The following RBM47 variants were observed in gnomAD, a reference collection of about 807,000 sequenced individuals.
RBM47 encodes the protein RNA binding motif protein 47.
RBM47 carries 21 observed loss-of-function variants against 47.1 expected under a neutral mutation model. That is an observed-to-expected ratio of 0.45 (90% CI 0.32 to 0.64). The LOEUF is 0.64. Among genes scored for constraint, RBM47 ranks in the 30% least tolerant of loss-of-function variants. The pLI is 0.05. For missense variants in RBM47, 708 were observed against 870.9 expected (o/e 0.81, Z 2.35); for synonymous variants, 375 against 361.7 (o/e 1.04, Z -0.42).
chr4:40,555,177 TCCA>T (rs1284807573), intron 1 of RBM47, among the ~76,000 whole-genome samples: 1 of 152,192 alleles, frequency 6.6e-6, no homozygotes, highest in East Asian at 1.9e-4. Flanking sequence ...CCTCAGGCAA[TCCA>T]CCCGCCTCAG....
chr4:40,470,199 C>T (rs1051566311), intron 2 of RBM47, among the ~76,000 whole-genome samples: 4 of 152,020 alleles, frequency 2.6e-5, no homozygotes, highest in East Asian at 1.9e-4. Context: ...ACATTAATGG[C>T]GTTAATTCAT....
chr4:40,456,571 CTTTTTTTTTTT>C (rs34320480), intron 3 of RBM47, among the ~76,000 whole-genome samples: 1 of 112,578 alleles, frequency 8.9e-6, no homozygotes, highest in African/African-American at 3.5e-5. Flanking sequence ...TTTCTTTTTT[CTTTTTTTTTTT>C]TTTTTGAGAC....
chr4:40,445,115 A>C (rs1714318604), intron 3 of RBM47, among the ~76,000 whole-genome samples: 1 of 151,876 alleles, frequency 6.6e-6, no homozygotes, highest in Admixed American at 6.6e-5. Context: ...TCTACTAAAA[A>C]TAGAAAAAAT....
At chr4:40,533,262 C>G (rs1727586601) in intron 2 of RBM47, among the ~76,000 whole-genome samples, 1 of 151,878 alleles carries the variant, frequency 6.6e-6, no homozygotes, top group South Asian at 2.1e-4. Context: ...GGTGAAACCC[C>G]ATCTCTACTA....
intron 1 of RBM47, among the ~76,000 whole-genome samples, chr4:40,611,190 T>C (rs1231290243): frequency 6.6e-6 from 1 of 152,184 alleles, no homozygotes; most frequent in Middle Eastern, 3.2e-3. Flanking sequence ...TCTAGGTAAA[T>C]GTAGGCACAA....
chr4:40,454,142 G>A (rs1006466900), intron 3 of RBM47, among the ~76,000 whole-genome samples: 2 of 152,166 alleles, frequency 1.3e-5, no homozygotes, highest in African/African-American at 2.4e-5. Flanking sequence ...TGGCAGAGTT[G>A]AGTTAAGTAG....
At chr4:40,528,405 T>TAAA (rs769489642) in intron 2 of RBM47, among the ~76,000 whole-genome samples, 1,482 of 147,788 alleles carry the variant, frequency 0.01, 25 homozygotes, top group African/African-American at 0.034. Flanking sequence ...GAGGCTTTTT[T>TAAA]AAAAAAAAAA....
chr4:40,577,059 G>T (rs1256653891), intron 1 of RBM47, among the ~76,000 whole-genome samples: 2 of 152,264 alleles, frequency 1.3e-5, no homozygotes, highest in Admixed American at 6.5e-5. Context: ...TGGCAGTAAC[G>T]AATCATTAAC....
chr4:40,478,815 A>T (rs954312970), intron 2 of RBM47, among the ~76,000 whole-genome samples: 4 of 152,242 alleles, frequency 2.6e-5, no homozygotes, highest in Admixed American at 1.3e-4. Context: ...CTAAAAGCTA[A>T]GATATAGCCA....
chr4:40,521,215 T>C (rs1726159110), intron 2 of RBM47, among the ~76,000 whole-genome samples: 1 of 152,232 alleles, frequency 6.6e-6, no homozygotes, highest in African/African-American at 2.4e-5. Flanking sequence ...TTTGTTGCTG[T>C]TGTTTGAGAC....
chr4:40,600,054 C>T (rs1307232046), intron 1 of RBM47, among the ~76,000 whole-genome samples: 3 of 152,058 alleles, frequency 2.0e-5, no homozygotes, highest in Non-Finnish European at 4.4e-5. Flanking sequence ...GTTGCCCAGG[C>T]TGGAGTCCAC....
intron 2 of RBM47, among the ~76,000 whole-genome samples, chr4:40,499,689 T>A (rs1723087495): frequency 6.6e-6 from 1 of 152,232 alleles, no homozygotes; most frequent in Non-Finnish European, 1.5e-5. Context: ...ATAACAGGCA[T>A]GAGGCACCGC....
At chr4:40,471,064 C>T (rs1718789080) in intron 2 of RBM47, among the ~76,000 whole-genome samples, 1 of 152,068 alleles carries the variant, frequency 6.6e-6, no homozygotes, top group African/African-American at 2.4e-5. Flanking sequence ...TAAGATAAAC[C>T]AATTGCCCTC....
chr4:40,475,552 CTTCCAAATTT>C lies in RBM47; in HGVS notation c.-154-8863_-154-8854del, dbSNP rs1719478238. On this transcript the variant is annotated intron_variant, in intron 2 of 6. Transcript: ENST00000295971. ...GTGCAGCAGTTGAAATTCTTACCAA[CTTCCAAATTT>C]TTTTGGGGGGGTCTTCAATTAAAAA... is the stretch of plus-strand genomic sequence containing the variant. The C allele has an allele frequency of 2.0e-5, 3 of 152,202 alleles. No homozygotes were observed. In the South Asian group the frequency reaches 6.2e-4, roughly 31 times the overall value. The allele number at this position is 152,202 out of a possible 1,614,324, so 9.4% of individuals were successfully genotyped here.
chr4:40,601,090 C>G (rs74367552), intron 1 of RBM47, among the ~76,000 whole-genome samples: 1 of 151,820 alleles, frequency 6.6e-6, no homozygotes, highest in Admixed American at 6.6e-5. Context: ...TAACCATCAC[C>G]GTAAGAATTC....
At chr4:40,547,934 G>A (rs551259310) in intron 1 of RBM47, among the ~76,000 whole-genome samples, 64 of 152,212 alleles carry the variant, frequency 4.2e-4, no homozygotes, top group Non-Finnish European at 7.6e-4. Context: ...CAATAGCAGT[G>A]GTGAATATGT....
intron 2 of RBM47, among the ~76,000 whole-genome samples, chr4:40,504,290 CT>C (rs35482960): frequency 0.25 from 31,630 of 128,008 alleles, 3,083 homozygotes; most frequent in East Asian, 0.43. Flanking sequence ...TTGTTTCCTT[CT>C]TTTTTTTTTT....
intron 1 of RBM47, among the ~76,000 whole-genome samples, chr4:40,568,516 T>C (rs973056917): frequency 6.6e-6 from 1 of 150,534 alleles, no homozygotes; most frequent in Non-Finnish European, 1.5e-5. Context: ...TCAATTTTTT[T>C]CCGAATTGAC....
intron 1 of RBM47, among the ~76,000 whole-genome samples, chr4:40,574,049 A>G (rs1732055096): frequency 6.6e-6 from 1 of 152,222 alleles, no homozygotes; most frequent in Non-Finnish European, 1.5e-5. Flanking sequence ...AGTGTTTAGA[A>G]TATTTTTCAC....
Sources: allele counts gnomAD v4.1 joint callset (sites outside exome capture counted in the v4.1 genomes callset), GRCh38; gene constraint gnomAD v4.1.1; transcripts MANE v1.5; gene names NCBI Gene and HGNC (gene_info 2026-07-23, HGNC 2026-07-21).